NUDT16: variants seen among roughly 807,000 people sequenced by gnomAD.
NUDT16 encodes the protein nudix hydrolase 16.
Under a neutral mutation model 11.7 loss-of-function variants are expected in NUDT16, and 12 were observed. That is an observed-to-expected ratio of 1.03 (90% CI 0.66 to 1.67). NUDT16 has a LOEUF of 1.67. Among genes scored for constraint, NUDT16 ranks in the 40% most tolerant of loss-of-function variants. The pLI is 0.00. For missense variants in NUDT16, 303 were observed against 268.9 expected (o/e 1.13, Z -0.89); for synonymous variants, 129 against 122.6 (o/e 1.05, Z -0.35).
chr3:131,383,466 G>A lies in NUDT16; in HGVS notation c.*125G>A. 3.9e-6 allele frequency: 6 copies of A among 1,536,950 alleles called. No homozygotes were observed. Among genetic ancestry groups the A allele is most frequent in the Non-Finnish European group, 3.5e-6 (4 of 1,146,236 alleles). ...GATACATGATACCAGATGAAAAGAA[G>A]GAGAAGTGTGTACCATATGTTTTGA... On this transcript the variant is annotated 3_prime_UTR_variant, in exon 3 of 3. Transcript: ENST00000521288. The surrounding 1 kb of genome is among the most constrained non-coding windows in gnomAD (Gnocchi z 4.4).
At position 131,383,059 on chromosome 3, in the gene NUDT16, G is replaced by T; in HGVS notation, c.409-103G>T. 7.7e-7 allele frequency: 1 copy of T among 1,297,316 alleles called. No homozygotes were observed. The highest frequency in any genetic ancestry group is 1.1e-6 in the Non-Finnish European group (1 of 934,022). The allele number at this position is 1,297,316 out of a possible 1,614,324, so 80.4% of individuals were successfully genotyped here. A position where few individuals can be genotyped will look rare whatever the true frequency, so the allele number is the denominator to read the frequency against. On this transcript the variant is annotated intron_variant, in intron 2 of 2. Transcript: ENST00000521288. The surrounding 1 kb of genome is among the most constrained non-coding windows in gnomAD (Gnocchi z 4.4). Reference sequence around the variant, plus strand: ...AGGTGTGAGCCTTGGGCCTGGTTCTGCTGGAGTATTAAGGGGTGAGGCCTG... The same window carrying T: ...AGGTGTGAGCCTTGGGCCTGGTTCTTCTGGAGTATTAAGGGGTGAGGCCTG...
rs1462409325 is a variant in NUDT16 at position 131,383,228 on chromosome 3, C to T, written c.475C>T (p.Leu159=). ...RDGVGGLPTF[L]ENSFIGSARE... is the part of the protein sequence containing the mutation. ...TGGTGTAGGAGGCCTGCCTACCTTC[C>T]TGGAGAATTCCTTTATTGGCTCTGC... The change falls in exon 3 of 3, where the codon CTG becomes TTG. Residue 159 remains leucine (L), a synonymous_variant. Transcript: ENST00000521288. This position sits in a 1 kb window ranked among gnomAD's most constrained non-coding sequence, Gnocchi z 4.4. 1.2e-6 allele frequency: 2 copies of T among 1,614,116 alleles called. No homozygotes were observed. Among genetic ancestry groups the T allele is most frequent in the East Asian group, 2.2e-5 (1 of 44,870 alleles).
rs2097457799 is a variant in NUDT16, at chr3:131,383,924, C to T, written c.*583C>T. On this transcript the variant is annotated 3_prime_UTR_variant, in exon 3 of 3. Transcript: ENST00000521288. The surrounding 1 kb of genome is among the most constrained non-coding windows in gnomAD (Gnocchi z 4.4). ...GAGAGCAGCCCAACCAATCCCCAAT[C>T]CTTTTCTTCTGAAACTGAGCAGGAA... 5.9e-6 allele frequency: 1 copy of T among 170,178 alleles called. No individual in the cohort carries two copies. The highest frequency in any genetic ancestry group is 2.4e-5 in the African/African-American group (1 of 41,692). 10.5% of individuals were successfully genotyped at this position (170,178 alleles called of 1,614,324 possible).
Position 131,383,234 on chromosome 3 carries a change from A to C in NUDT16, c.481A>C (p.Asn161His). The change falls in exon 3 of 3, where the codon AAT becomes CAT. Residue 161 changes from asparagine to histidine, a missense_variant. Asn to His is a moderately conservative substitution (Grantham distance 68). Coordinates refer to ENST00000521288, the MANE Select transcript of NUDT16 (RefSeq NM_152395.3). This position sits in a 1 kb window ranked among gnomAD's most constrained non-coding sequence, Gnocchi z 4.4. ...GVGGLPTFLE[N>H]SFIGSAREQL... The stretch of plus-strand genomic sequence containing the variant: ...AGGAGGCCTGCCTACCTTCCTGGAG[A>C]ATTCCTTTATTGGCTCTGCGCGGGA... 6.2e-7 allele frequency: 1 copy of C among 1,614,084 alleles called. No homozygotes were observed. Among genetic ancestry groups the C allele is most frequent in the Non-Finnish European group, 8.5e-7 (1 of 1,180,026 alleles).
At chr3:131,382,802 CG>C (rs1182910149) in intron 2 of NUDT16, 8 of 1,001,032 alleles carry the variant, frequency 8.0e-6, no homozygotes, top group Non-Finnish European at 9.6e-6. Flanking sequence ...GGTGGTGGGG[CG>C]GGGGGAGAGG....
At position 131,382,324 on chromosome 3, in the gene NUDT16, A is replaced by C. The variant is rs1223240161; in HGVS notation, c.408+9A>C. 1.9e-6 allele frequency: 3 copies of C among 1,612,690 alleles called. No individual in the cohort carries two copies. The highest frequency in any genetic ancestry group is 2.5e-6 in the Non-Finnish European group (3 of 1,180,012). On this transcript the variant is annotated intron_variant, in intron 2 of 2. Transcript: ENST00000521288. ...AGGACCACGGGCTGGAGGTGGGACC[A>C]GCCTGGGACTCTGTCCCTTTCCCAA...
In NUDT16 at chr3:131,385,124, G is replaced by A. The variant is rs2097459124; in HGVS notation, c.*1783G>A. ...TAAGGTTTAATCTGACCAAGAAATT[G>A]GAATTGAAAACAGGAGGTGACTAGG... On this transcript the variant is annotated 3_prime_UTR_variant, in exon 3 of 3. Coordinates refer to ENST00000521288, the MANE Select transcript of NUDT16 (RefSeq NM_152395.3). 6.6e-6 allele frequency: 1 copy of A among 152,186 alleles called. No homozygotes were observed. Among genetic ancestry groups the A allele is most frequent in the Non-Finnish European group, 1.5e-5 (1 of 68,064 alleles). The allele number at this position is 152,186 out of a possible 1,614,324, so 9.4% of individuals were successfully genotyped here.
chr3:131,384,332 A>C lies in NUDT16; in HGVS notation c.*991A>C, dbSNP rs1451713839. 6.6e-6 allele frequency: 1 copy of C among 152,310 alleles called. No individual in the cohort carries two copies. The highest frequency in any genetic ancestry group is 1.5e-5 in the Non-Finnish European group (1 of 68,142). 9.4% of individuals were successfully genotyped at this position (152,310 alleles called of 1,614,324 possible). ...CTGTCCATTGAATTCAGTAACATGA[A>C]GTGTTTGATGACTATGATGGCAGCA... On this transcript the variant is annotated 3_prime_UTR_variant, in exon 3 of 3. Transcript: ENST00000521288.
rs2097455209 is a variant in NUDT16, at chr3:131,381,776, T to G, written c.-29T>G. 2 of 1,535,998 alleles carry G rather than the reference T, an allele frequency of 1.3e-6. No individual in the cohort carries two copies. The highest frequency in any genetic ancestry group is 8.7e-7 in the Non-Finnish European group (1 of 1,147,500). ...ACCCGCCCCTCTGCCCATTGGGCCTTCGGGACAGCAGAGGAGCAGTGTCCG... is the reference window on the plus strand; with the variant it reads ...ACCCGCCCCTCTGCCCATTGGGCCTGCGGGACAGCAGAGGAGCAGTGTCCG... On this transcript the variant is annotated 5_prime_UTR_variant, in exon 1 of 3. Coordinates refer to ENST00000521288, the MANE Select transcript of NUDT16 (RefSeq NM_152395.3).
At chr3:131,381,996 G>A in intron 1 of NUDT16, 50 bp from the exon 2 acceptor site, 1 of 1,591,372 alleles carries the variant, frequency 6.3e-7, no homozygotes, top group Non-Finnish European at 8.6e-7. Context: ...ACCCTCTCTG[G>A]TGGTCTCCTC....
chr3:131,381,768 T>C, upstream of NUDT16: 20 of 1,531,742 alleles, frequency 1.3e-5, no homozygotes, highest in East Asian at 2.4e-5. Flanking sequence ...CCTCTGCCCA[T>C]TGGGCCTTCG....
At position 131,383,603 on chromosome 3, in the gene NUDT16, G is replaced by A; in HGVS notation, c.*262G>A. 1 of 642,184 alleles carries A rather than the reference G, an allele frequency of 1.6e-6. No homozygotes were observed. The highest frequency in any genetic ancestry group is 2.7e-6 in the Non-Finnish European group (1 of 375,680). 39.8% of individuals were successfully genotyped at this position (642,184 alleles called of 1,614,324 possible). A position where few individuals can be genotyped will look rare whatever the true frequency, so the allele number is the denominator to read the frequency against. ...TCCCTGTTTATATGCGTACAGCCTG[G>A]TAACCCCCAGGCATGCAAATATACA... is the stretch of plus-strand genomic sequence containing the variant. On this transcript the variant is annotated 3_prime_UTR_variant, in exon 3 of 3. Coordinates refer to ENST00000521288, the MANE Select transcript of NUDT16 (RefSeq NM_152395.3). The surrounding 1 kb of genome is among the most constrained non-coding windows in gnomAD (Gnocchi z 4.4).
chr3:131,385,919 C>G lies in NUDT16; in HGVS notation c.*2578C>G, dbSNP rs1301086978. On this transcript the variant is annotated 3_prime_UTR_variant, in exon 3 of 3. Coordinates refer to ENST00000521288, the MANE Select transcript of NUDT16 (RefSeq NM_152395.3). The stretch of plus-strand genomic sequence containing the variant: ...AACAGACCCCTTCCCTCAGGTAATT[C>G]TGGATCCAGAACTCATTATGGGATG... 1 of 152,210 alleles carries G rather than the reference C, an allele frequency of 6.6e-6. No individual in the cohort carries two copies. Among genetic ancestry groups the G allele is most frequent in the Non-Finnish European group, 1.5e-5 (1 of 68,084 alleles). The allele number at this position is 152,210 out of a possible 1,614,324, so 9.4% of individuals were successfully genotyped here. A position where few individuals can be genotyped will look rare whatever the true frequency, so the allele number is the denominator to read the frequency against.
rs776992365 is a variant in NUDT16, at chr3:131,383,182, G to T, written c.429G>T (p.Val143=). 1.2e-6 allele frequency: 2 copies of T among 1,612,718 alleles called. No homozygotes were observed. The highest frequency in any genetic ancestry group is 2.2e-5 in the South Asian group (2 of 91,018). The change falls in exon 3 of 3, where the codon GTG becomes GTT. Residue 143 remains valine, a synonymous_variant. Transcript: ENST00000521288. This position sits in a 1 kb window ranked among gnomAD's most constrained non-coding sequence, Gnocchi z 4.4. ...TACAGGTGCTGGGCCTGGTGCGAGT[G>T]CCCCTGTATACCCTGCGGGATGGTG... ...HGLEVLGLVR[V]PLYTLRDGVG...
intron 2 of NUDT16, chr3:131,382,765 A>G (rs1010952237): frequency 4.7e-6 from 6 of 1,281,970 alleles, no homozygotes; most frequent in African/African-American, 1.5e-5. Context: ...TTATTAAAAT[A>G]GCGATTTCTC....
chr3:131,383,391 A>C lies in NUDT16; in HGVS notation c.*50A>C. 1 of 1,609,850 alleles carries C rather than the reference A, an allele frequency of 6.2e-7. No individual in the cohort carries two copies. Among genetic ancestry groups the C allele is most frequent in the Non-Finnish European group, 8.5e-7 (1 of 1,178,540 alleles). Reference sequence around the variant, plus strand: ...AAACTGAGATGAGGACCTTGGTACTAGGGAGGGAGGGAAGGACGTGGGAAT... The same window carrying C: ...AAACTGAGATGAGGACCTTGGTACTCGGGAGGGAGGGAAGGACGTGGGAAT... On this transcript the variant is annotated 3_prime_UTR_variant, in exon 3 of 3. Coordinates refer to ENST00000521288, the MANE Select transcript of NUDT16 (RefSeq NM_152395.3). The surrounding 1 kb of genome is among the most constrained non-coding windows in gnomAD (Gnocchi z 4.4).
At chr3:131,381,987 C>T (rs1453278628) in intron 1 of NUDT16, 45 bp downstream of exon 1, 3 of 1,595,178 alleles carry the variant, frequency 1.9e-6, no homozygotes, top group Admixed American at 3.4e-5. Context: ...GAGCCCCGCA[C>T]CCTCTCTGGT....
In NUDT16 at chr3:131,381,845, C is replaced by T; in HGVS notation, c.41C>T (p.Ala14Val). The stretch of plus-strand genomic sequence containing the variant: ...AGGCTGGAGCTAGGCGAGGCCCTGG[C>T]GCTGGGGTCGGGCTGGCGTCATGCG... ...ARRLELGEAL[A>V]LGSGWRHACH... is the part of the protein sequence containing the mutation. The change falls in exon 1 of 3, where the codon GCG (alanine) becomes GTG (valine). Residue 14 changes from alanine (A) to valine (V), a missense_variant. Coordinates refer to ENST00000521288, the MANE Select transcript of NUDT16 (RefSeq NM_152395.3). 1 of 1,594,790 alleles carries T rather than the reference C, an allele frequency of 6.3e-7. No homozygotes were observed. The highest frequency in any genetic ancestry group is 8.5e-7 in the Non-Finnish European group (1 of 1,175,818).
At chr3:131,382,598 AT>A in intron 2 of NUDT16, 1 of 1,513,960 alleles carries the variant, frequency 6.6e-7, no homozygotes, top group Non-Finnish European at 8.8e-7. Context: ...GTGATAGATT[AT>A]CACATTATCT....
Sources: allele counts gnomAD v4.1 joint callset, GRCh38; gene constraint gnomAD v4.1.1; non-coding constraint Gnocchi (gnomAD v3.1); transcripts MANE v1.5; gene names NCBI Gene and HGNC (gene_info 2026-07-23, HGNC 2026-07-21).